PRH1: variants seen among roughly 807,000 people sequenced by gnomAD.
The protein encoded by PRH1 is proline rich protein HaeIII subfamily 1, also known as salivary acidic proline-rich phosphoprotein 1/2.
In PRH1, 7 loss-of-function variants were observed where a neutral mutation model predicts 7.9. That is an observed-to-expected ratio of 0.89 (90% CI 0.50 to 1.67). The LOEUF is 1.67. PRH1 is among the 40% of genes most tolerant of loss of function. The pLI is 0.00. For missense variants in PRH1, 109 were observed against 223.6 expected, an observed-to-expected ratio of 0.49 and a Z score of 3.27; for synonymous variants, 45 against 80.8, an observed-to-expected ratio of 0.56 and a Z score of 2.38.
rs145285723 is a variant in PRH1 at position 10,983,708 on chromosome 12, C to T, written c.-125-9987G>A. 2.8e-3 allele frequency among the ~76,000 whole-genome samples: 423 copies of T among 152,284 alleles called. 4 individuals carry two copies. The highest frequency in any genetic ancestry group is 4.6e-3 in the Non-Finnish European group (313 of 68,020). ...GCCGGCTGTGGTTTCCCCTTGCAGC[C>T]CTTCTGGAAAAGTACTGGGAGTCAA... On this transcript the variant is annotated intron_variant, in intron 1 of 3. Coordinates refer to the PRH1 transcript ENST00000539853.
chr12:10,913,563 A>G, intron 2 of PRH1, among the ~76,000 whole-genome samples: 1 of 152,198 alleles, frequency 6.6e-6, no homozygotes. Flanking sequence ...TCTCTTTGTT[A>G]TTAGGATTTA....
At chr12:11,032,097 T>A (rs571506642) in intron 1 of PRH1, among the ~76,000 whole-genome samples, 1 of 152,154 alleles carries the variant, frequency 6.6e-6, no homozygotes, top group Non-Finnish European at 1.5e-5. Context: ...GTTCTTGTTA[T>A]AGGCTGGAAT....
intron 2 of PRH1, chr12:10,930,815 C>T (rs1467866246): frequency 6.2e-7 from 1 of 1,613,698 alleles, no homozygotes; most frequent in African/African-American, 1.3e-5. Context: ...CAAGGTCCAC[C>T]ACCTCCTCAG....
At chr12:10,938,632 A>G (rs1241178615) in intron 2 of PRH1, 1 of 1,613,776 alleles carries the variant, frequency 6.2e-7, no homozygotes, top group Admixed American at 1.7e-5. Flanking sequence ...CCAGGGACAA[A>G]GTAAAGGGTA....
rs370072175 is a variant in PRH1 at position 10,941,045 on chromosome 12, G to C, written c.-59+32610C>G. On this transcript the variant is annotated intron_variant, in intron 2 of 3. Coordinates refer to the PRH1 transcript ENST00000539853. ...AGTACAAACGTACTATCCACATAGA[G>C]ACAAGAAGGTTACCCTGGCCTCGCT... Among the ~76,000 whole-genome samples, 25 of 152,278 alleles carry C rather than the reference G, an allele frequency of 1.6e-4. No homozygotes were observed. The South Asian group carries it at 5.0e-3, about 30-fold the overall frequency.
At chr12:10,972,515 A>G (rs1287311673) in intron 2 of PRH1, among the ~76,000 whole-genome samples, 4 of 152,202 alleles carry the variant, frequency 2.6e-5, no homozygotes, top group Non-Finnish European at 5.9e-5. Context: ...AAAAAATTTG[A>G]ATAAAATTTT....
chr12:10,899,704 G>A (rs766172164), intron 2 of PRH1, among the ~76,000 whole-genome samples: 14 of 152,174 alleles, frequency 9.2e-5, no homozygotes, highest in Admixed American at 3.9e-4. Flanking sequence ...TACAGCCTGC[G>A]GAACCATGAA....
At chr12:10,938,458 T>C in intron 2 of PRH1, 1 of 1,613,940 alleles carries the variant, frequency 6.2e-7, no homozygotes, top group Non-Finnish European at 8.5e-7. Context: ...AGGTCCAAAC[T>C]GATATGAAAA....
At chr12:11,001,503 G>C (rs1374968380) in intron 1 of PRH1, among the ~76,000 whole-genome samples, 1 of 152,048 alleles carries the variant, frequency 6.6e-6, no homozygotes, top group Non-Finnish European at 1.5e-5. Context: ...AATGCCAGGG[G>C]ATAGATGCAC....
At chr12:11,035,819 A>G (rs1282118535) in intron 1 of PRH1, among the ~76,000 whole-genome samples, 5 of 152,316 alleles carry the variant, frequency 3.3e-5, no homozygotes, top group Admixed American at 1.3e-4. Flanking sequence ...AATGTCATTA[A>G]AATTAATTAA....
chr12:10,926,492 C>T (rs1261573375), intron 2 of PRH1, among the ~76,000 whole-genome samples: 4 of 152,000 alleles, frequency 2.6e-5, no homozygotes, highest in Non-Finnish European at 4.4e-5. Flanking sequence ...TATTGTAAGT[C>T]CAGAAGGAAA....
At chr12:10,939,046 A>G in intron 2 of PRH1, 1 of 1,613,948 alleles carries the variant, frequency 6.2e-7, no homozygotes, top group Non-Finnish European at 8.5e-7. Flanking sequence ...GGCTAATTCG[A>G]GAGATTGCCA....
intron 1 of PRH1, among the ~76,000 whole-genome samples, chr12:11,169,902 A>C (rs2123007): frequency 0.46 from 69,276 of 152,074 alleles, 16,577 homozygotes; most frequent in Non-Finnish European, 0.53. Flanking sequence ...TTACAAATTT[A>C]TCAGTGGCAC....
intron 2 of PRH1, among the ~76,000 whole-genome samples, chr12:10,915,420 A>G (rs1205603904): frequency 6.6e-6 from 1 of 152,250 alleles, no homozygotes; most frequent in African/African-American, 2.4e-5. Flanking sequence ...GAAGCAGCAG[A>G]CTAGACAAAA....
intron 1 of PRH1, among the ~76,000 whole-genome samples, chr12:11,150,513 C>G (rs1331919386): frequency 6.6e-6 from 1 of 152,088 alleles, no homozygotes; most frequent in African/African-American, 2.4e-5. Flanking sequence ...AGTTCATGTC[C>G]TCTGTAGGGA....
intron 1 of PRH1, among the ~76,000 whole-genome samples, chr12:11,126,940 G>A (rs1324446745): frequency 1.3e-5 from 2 of 152,014 alleles, no homozygotes; most frequent in Admixed American, 6.6e-5. Context: ...ATAATGATGA[G>A]TAGTAAACAT....
At chr12:11,040,800 G>A (rs1027016696) in intron 1 of PRH1, among the ~76,000 whole-genome samples, 1 of 152,146 alleles carries the variant, frequency 6.6e-6, no homozygotes, top group African/African-American at 2.4e-5. Context: ...TGAGAAGATG[G>A]AGTTAAGGTG....
chr12:11,069,044 G>A (rs71443610), intron 1 of PRH1, among the ~76,000 whole-genome samples: 55,131 of 104,922 alleles, frequency 0.53, 12,116 homozygotes, highest in Non-Finnish European at 0.62. Context: ...TAGCCTCCCA[G>A]GTAGCTAGGA....
intron 2 of PRH1, among the ~76,000 whole-genome samples, chr12:10,922,240 A>T (rs1480228329): frequency 6.6e-6 from 1 of 151,992 alleles, no homozygotes; most frequent in Non-Finnish European, 1.5e-5. Context: ...TCTGTTGTTC[A>T]TTTTTCTTAA....
Sources: allele counts gnomAD v4.1 joint callset (sites outside exome capture counted in the v4.1 genomes callset), GRCh38; gene constraint gnomAD v4.1.1; transcripts MANE v1.5; gene names NCBI Gene and HGNC (gene_info 2026-07-23, HGNC 2026-07-21).